GCNT1: variants seen among roughly 807,000 people sequenced by gnomAD.
The protein encoded by GCNT1 is glucosaminyl (N-acetyl) transferase 1, also known as beta-1,3-galactosyl-O-glycosyl-glycoprotein beta-1,6-N-acetylglucosaminyltransferase.
A neutral mutation model predicts 26.2 loss-of-function variants in GCNT1; 16 were observed. That is an observed-to-expected ratio of 0.61 (90% CI 0.41 to 0.93). GCNT1 has a LOEUF of 0.93. Ranked by LOEUF, GCNT1 falls within the 40% of genes least tolerant of loss-of-function variation. The pLI, the probability that GCNT1 is intolerant of heterozygous loss-of-function variation, is 0.00. For synonymous variants in GCNT1, 183 were observed against 190.8 expected (o/e 0.96, Z 0.34); for missense variants, 477 against 526.7 (o/e 0.91, Z 0.92).
the GCNT1 span, among the ~76,000 whole-genome samples, chr9:76,408,568 A>G: frequency 6.6e-6 from 1 of 152,170 alleles, no homozygotes; most frequent in Admixed American, 6.6e-5. Context: ...GAATTTTTAC[A>G]TCTATATTCA....
At chr9:76,432,625 C>T (rs1250968751) in intron 1 of GCNT1, among the ~76,000 whole-genome samples, 1 of 152,190 alleles carries the variant, frequency 6.6e-6, no homozygotes, top group Non-Finnish European at 1.5e-5. Context: ...CAGGCGTGCT[C>T]CACTGTGCCC....
intron 1 of GCNT1, among the ~76,000 whole-genome samples, chr9:76,443,876 GGA>G (rs1823520923): frequency 1.8e-5 from 1 of 54,372 alleles, no homozygotes. Context: ...TCTAAAAAAA[GGA>G]AAGAAAGAAA....
intron 1 of GCNT1, among the ~76,000 whole-genome samples, chr9:76,425,705 T>G (rs561397287): frequency 6.6e-6 from 1 of 152,292 alleles, no homozygotes. Flanking sequence ...CTGAGTTTTA[T>G]TATCACTGAA....
At position 76,465,155 on chromosome 9, in the gene GCNT1, G is replaced by GTTTTTTT. The variant is rs374781585; in HGVS notation, c.-290+4985_-290+4991dup. On this transcript the variant is annotated intron_variant, in intron 2 of 3. Coordinates refer to ENST00000376730, the MANE Select transcript of GCNT1 (RefSeq NM_001490.5). ...CCTGCTGTGCCTGACTCTGATTTGAGTTTTTTTTTTTTTATTTTTTTTTAG... is the reference window on the plus strand; with the variant it reads ...CCTGCTGTGCCTGACTCTGATTTGAGTTTTTTTTTTTTTTTTTTTTATTTTTTTTTAG... Among the ~76,000 whole-genome samples, 2 of 144,998 alleles carry GTTTTTTT rather than the reference G, an allele frequency of 1.4e-5. 1 individual carries two copies.
At chr9:76,437,292 G>A (rs540354679), upstream of GCNT1, among the ~76,000 whole-genome samples, 103 of 152,114 alleles carry the variant, frequency 6.8e-4, no homozygotes, top group Middle Eastern at 6.8e-3. Context: ...CTGGGAGGTC[G>A]GTACTTAGAT....
the GCNT1 span, chr9:76,399,029 C>T: frequency 1.9e-6 from 3 of 1,591,808 alleles, no homozygotes; most frequent in Non-Finnish European, 1.7e-6. Flanking sequence ...CTTCACTAAC[C>T]AGATCCAGGC....
In GCNT1 at chr9:76,500,976, C is replaced by G. The variant is rs924111155; in HGVS notation, c.-229C>G. On this transcript the variant is annotated 5_prime_UTR_variant, in exon 3 of 4. Transcript: ENST00000376730. ...CTGGATGCCCGGACATGTAATACACCTGACAGCATGTGAAGTGCTCAGAAT... is the reference window on the plus strand; with the variant it reads ...CTGGATGCCCGGACATGTAATACACGTGACAGCATGTGAAGTGCTCAGAAT... 53 of 152,194 alleles carry G rather than the reference C, an allele frequency of 3.5e-4. 1 individual carries two copies. Among genetic ancestry groups the G allele is most frequent in the Admixed American group, 3.0e-3 (46 of 15,282 alleles). The allele number at this position is 152,194 out of a possible 1,614,324, so 9.4% of individuals were successfully genotyped here.
intron 2 of GCNT1, among the ~76,000 whole-genome samples, chr9:76,478,179 T>C (rs597285): frequency 0.91 from 137,708 of 152,096 alleles, 62,689 homozygotes; most frequent in East Asian, 1. Context: ...TGCTCAGGTA[T>C]CCTTCCATGT....
At chr9:76,476,563 ACT>A (rs1434278803) in intron 2 of GCNT1, among the ~76,000 whole-genome samples, 1 of 151,628 alleles carries the variant, frequency 6.6e-6, no homozygotes, top group East Asian at 1.9e-4. Flanking sequence ...AAAAAAAAAC[ACT>A]GTTTGTTTTC....
chr9:76,465,910 A>T (rs1564233484), intron 2 of GCNT1, among the ~76,000 whole-genome samples: 1 of 152,202 alleles, frequency 6.6e-6, no homozygotes, highest in East Asian at 1.9e-4. Context: ...GATTGAGAAC[A>T]CAGGAGGAGG....
intron 2 of GCNT1, among the ~76,000 whole-genome samples, chr9:76,489,814 T>A (rs1302739404): frequency 6.6e-6 from 1 of 152,120 alleles, no homozygotes; most frequent in Non-Finnish European, 1.5e-5. Flanking sequence ...TAATTCCTGC[T>A]GGATAAGAGC....
intron 1 of GCNT1, among the ~76,000 whole-genome samples, chr9:76,447,490 C>T (rs1823596357): frequency 6.6e-6 from 1 of 152,146 alleles, no homozygotes; most frequent in South Asian, 2.1e-4. Context: ...AGCGATCGGG[C>T]TGCCTCAGCC....
At chr9:76,490,801 T>C (rs1824713742) in intron 2 of GCNT1, among the ~76,000 whole-genome samples, 1 of 152,240 alleles carries the variant, frequency 6.6e-6, no homozygotes, top group South Asian at 2.1e-4. Context: ...ATACCCATTG[T>C]GTCTTTTCCT....
chr9:76,456,078 A>G (rs1823755127), upstream of GCNT1, among the ~76,000 whole-genome samples: 2 of 152,212 alleles, frequency 1.3e-5, no homozygotes, highest in Admixed American at 1.3e-4. Flanking sequence ...TGTGCTGGTT[A>G]TTGAAGTATG....
At chr9:76,419,185 A>G (rs1294143652), upstream of GCNT1, among the ~76,000 whole-genome samples, 1 of 152,108 alleles carries the variant, frequency 6.6e-6, no homozygotes, top group African/African-American at 2.4e-5. Flanking sequence ...TTAATCCCTT[A>G]TAGCCCCCAT....
In GCNT1 at chr9:76,500,983, CA is replaced by C. The variant is rs1447391917; in HGVS notation, c.-221del. 4 of 152,152 alleles carry C rather than the reference CA, an allele frequency of 2.6e-5. No individual in the cohort carries two copies. Among genetic ancestry groups the C allele is most frequent in the African/African-American group, 9.7e-5 (4 of 41,436 alleles). 9.4% of individuals were successfully genotyped at this position (152,152 alleles called of 1,614,324 possible). A position where few individuals can be genotyped will look rare whatever the true frequency, so the allele number is the denominator to read the frequency against. On this transcript the variant is annotated 5_prime_UTR_variant, in exon 3 of 4. The change abolishes an upstream ATG in the 5' untranslated region. Transcript: ENST00000376730. The stretch of plus-strand genomic sequence containing the variant: ...CCCGGACATGTAATACACCTGACAG[CA>C]TGTGAAGTGCTCAGAATGGGGCAGG...
At chr9:76,411,934 T>C in the GCNT1 span, among the ~76,000 whole-genome samples, 1 of 152,032 alleles carries the variant, frequency 6.6e-6, no homozygotes, top group Non-Finnish European at 1.5e-5. Context: ...ACTCCTGGCC[T>C]CCAGTGATCT....
chr9:76,395,498 G>A, the GCNT1 span, among the ~76,000 whole-genome samples: 1 of 152,076 alleles, frequency 6.6e-6, no homozygotes, highest in African/African-American at 2.4e-5. Context: ...GACGCGGGAG[G>A]ATTGATTGAG....
At chr9:76,399,690 A>C in the GCNT1 span, 4 of 673,712 alleles carry the variant, frequency 5.9e-6, no homozygotes, top group African/African-American at 5.5e-5. Flanking sequence ...ACCCCAATCC[A>C]TTTTTACCCC....
Sources: allele counts gnomAD v4.1 joint callset (sites outside exome capture counted in the v4.1 genomes callset), GRCh38; gene constraint gnomAD v4.1.1; transcripts MANE v1.5; gene names NCBI Gene and HGNC (gene_info 2026-07-23, HGNC 2026-07-21).